The following SOX6 variants were observed in gnomAD, a reference collection of about 807,000 sequenced individuals.
SOX6 encodes the protein SRY-box transcription factor 6, also known as transcription factor SOX-6.
SOX6 carries 11 observed loss-of-function variants against 97.8 expected under a neutral mutation model. That is an observed-to-expected ratio of 0.11 (90% CI 0.07 to 0.19). The LOEUF is 0.19. Among genes scored for constraint, SOX6 ranks in the 10% least tolerant of loss-of-function variants. The probability of loss-of-function intolerance (pLI) is 1.00; values close to 1 mark genes in which losing one functional copy is unlikely to be tolerated. For missense variants in SOX6, 810 were observed against 1,039.5 expected, an observed-to-expected ratio of 0.78 and a Z score of 3.04; for synonymous variants, 360 against 371.4, an observed-to-expected ratio of 0.97 and a Z score of 0.35.
intron 15 of SOX6, among the ~76,000 whole-genome samples, chr11:15,984,862 C>A (rs1053039092): frequency 3.3e-5 from 5 of 152,152 alleles, no homozygotes; most frequent in African/African-American, 1.2e-4. Context: ...TGCTAGAGTT[C>A]ACCTTTATTG....
chr11:16,350,751 A>G (rs1473404189), intron 1 of SOX6, among the ~76,000 whole-genome samples: 7 of 152,204 alleles, frequency 4.6e-5, no homozygotes, highest in Non-Finnish European at 8.8e-5. Context: ...ACTCATTAAA[A>G]TATTTTGTTT....
intron 3 of SOX6, among the ~76,000 whole-genome samples, chr11:16,639,868 G>T (rs1456192544): frequency 6.6e-6 from 1 of 152,138 alleles, no homozygotes; most frequent in Non-Finnish European, 1.5e-5. Flanking sequence ...GGGACAATTT[G>T]ACTTCCTCTT....
intron 4 of SOX6, among the ~76,000 whole-genome samples, chr11:16,483,573 G>T (rs1383839506): frequency 1.3e-5 from 2 of 152,074 alleles, no homozygotes; most frequent in East Asian, 1.9e-4. Flanking sequence ...TACTGACAGG[G>T]CTCCTCAGAT....
At chr11:16,466,727 G>A (rs1483199078) in intron 1 of SOX6, among the ~76,000 whole-genome samples, 5 of 150,416 alleles carry the variant, frequency 3.3e-5, no homozygotes, top group African/African-American at 9.7e-5. Context: ...TCAGGAGATC[G>A]AGACCATCCC....
intron 4 of SOX6, among the ~76,000 whole-genome samples, chr11:16,498,625 A>T (rs1301802857): frequency 2.0e-5 from 3 of 152,184 alleles, no homozygotes; most frequent in Non-Finnish European, 4.4e-5. Flanking sequence ...TCTACCAAAC[A>T]AATGGAAAAC....
At chr11:16,717,909 T>C (rs1848230112) in intron 2 of SOX6, among the ~76,000 whole-genome samples, 2 of 151,392 alleles carry the variant, frequency 1.3e-5, no homozygotes, top group African/African-American at 2.4e-5. Flanking sequence ...AAATGTAAAA[T>C]AAGCTATGGC....
At chr11:16,558,086 C>G (rs2133189340) in intron 4 of SOX6, among the ~76,000 whole-genome samples, 1 of 151,984 alleles carries the variant, frequency 6.6e-6, no homozygotes, top group African/African-American at 2.4e-5. Flanking sequence ...TCTAACTTAA[C>G]TAGATGTTCT....
chr11:16,019,864 T>C (rs1421545791), intron 12 of SOX6, among the ~76,000 whole-genome samples: 1 of 152,136 alleles, frequency 6.6e-6, no homozygotes, highest in Non-Finnish European at 1.5e-5. Flanking sequence ...CAAATATATG[T>C]ATTATAAATA....
At chr11:16,736,416 C>T (rs564661964) in exon 2 of SOX6, 4 of 152,206 alleles carry the variant, frequency 2.6e-5, no homozygotes, top group South Asian at 4.2e-4. Flanking sequence ...GTTACTTTTT[C>T]GTTTGTGATC....
intron 3 of SOX6, among the ~76,000 whole-genome samples, chr11:16,675,306 C>T (rs1847876585): frequency 6.6e-6 from 1 of 152,188 alleles, no homozygotes; most frequent in South Asian, 2.1e-4. Flanking sequence ...TGTGCCACCA[C>T]ATCCAGCTAT....
chr11:16,360,260 A>G (rs562753031), upstream of SOX6, among the ~76,000 whole-genome samples: 1 of 152,190 alleles, frequency 6.6e-6, no homozygotes, highest in South Asian at 2.1e-4. Context: ...GTCTGTTTGG[A>G]TGCACCCTTT....
intron 2 of SOX6, among the ~76,000 whole-genome samples, chr11:16,338,425 GT>G (rs893035818): frequency 1.3e-5 from 2 of 151,694 alleles, no homozygotes; most frequent in East Asian, 1.9e-4. Context: ...TCCTTCTATT[GT>G]TTTTTTTCCT....
chr11:16,429,846 G>T (rs1012049351), intron 1 of SOX6, among the ~76,000 whole-genome samples: 2 of 151,954 alleles, frequency 1.3e-5, no homozygotes, highest in East Asian at 3.9e-4. Flanking sequence ...AAATAAATAA[G>T]GTCTCCACCT....
intron 2 of SOX6, among the ~76,000 whole-genome samples, chr11:16,327,151 C>A (rs555124501): frequency 2.7e-4 from 41 of 152,232 alleles, no homozygotes; most frequent in African/African-American, 8.2e-4. Flanking sequence ...AATAGTGAGT[C>A]ACCAAGCCTT....
At chr11:16,230,076 T>A (rs1852804145) in intron 4 of SOX6, among the ~76,000 whole-genome samples, 1 of 151,808 alleles carries the variant, frequency 6.6e-6, no homozygotes, top group East Asian at 1.9e-4. Flanking sequence ...AATGACAAAT[T>A]TGAAAAACAA....
intron 4 of SOX6, among the ~76,000 whole-genome samples, chr11:16,205,349 T>C (rs895084263): frequency 4.6e-5 from 7 of 152,114 alleles, no homozygotes; most frequent in African/African-American, 1.7e-4. Context: ...TGATCAAATT[T>C]AACCACTGAC....
intron 3 of SOX6, among the ~76,000 whole-genome samples, chr11:16,660,392 A>G (rs1847757360): frequency 6.6e-6 from 1 of 152,164 alleles, no homozygotes; most frequent in Admixed American, 6.5e-5. Context: ...ATCTCCAAAC[A>G]TTTTGGAATT....
At chr11:16,732,494 C>T (rs963342784) in intron 2 of SOX6, among the ~76,000 whole-genome samples, 2 of 152,124 alleles carry the variant, frequency 1.3e-5, no homozygotes, top group African/African-American at 2.4e-5. Flanking sequence ...GGAAAGGATT[C>T]CTTATTTACT....
chr11:16,535,996 T>G (rs1861302978), intron 4 of SOX6, among the ~76,000 whole-genome samples: 1 of 152,228 alleles, frequency 6.6e-6, no homozygotes, highest in African/African-American at 2.4e-5. Flanking sequence ...TTTCTGCAAC[T>G]TCAATTTGCA....
Sources: allele counts gnomAD v4.1 joint callset (sites outside exome capture counted in the v4.1 genomes callset), GRCh38; gene constraint gnomAD v4.1.1; transcripts MANE v1.5; gene names NCBI Gene and HGNC (gene_info 2026-07-23, HGNC 2026-07-21).